SH3PXD2B: variants seen among roughly 807,000 people sequenced by gnomAD.
SH3PXD2B encodes SH3 and PX domains 2B, also known as SH3 and PX domain-containing protein 2B.
In SH3PXD2B, 37 loss-of-function variants were observed where a neutral mutation model predicts 73.1. The ratio of observed to expected loss-of-function variants is 0.51; its 90% CI spans 0.39 to 0.67. The LOEUF (loss-of-function observed/expected upper bound fraction) is 0.67, where lower values mean the gene tolerates loss of function less well. Among genes scored for constraint, SH3PXD2B ranks in the 30% least tolerant of loss-of-function variants. The pLI, the probability that SH3PXD2B is intolerant of heterozygous loss-of-function variation, is 0.00. For synonymous variants in SH3PXD2B, 457 were observed against 480.5 expected (o/e 0.95, Z 0.64); for missense variants, 1,053 against 1,197.8 (o/e 0.88, Z 1.78).
At position 172,454,212 on chromosome 5, in the gene SH3PXD2B, G is replaced by A. The variant is rs546772471; in HGVS notation, c.75+66C>T. 1.2e-5 allele frequency: 17 copies of A among 1,406,706 alleles called. No individual in the cohort carries two copies. In the African/African-American group the frequency reaches 1.9e-4, roughly 15 times the overall value. The allele number at this position is 1,406,706 out of a possible 1,614,324, so 87.1% of individuals were successfully genotyped here. On this transcript the variant is annotated intron_variant, in intron 1 of 12. Transcript: ENST00000311601. ...GCTGGAGGCAGAAGTTTTCCAAGCC[G>A]GGGGCCCTCGGTCGCCCCCGACGGG...
intron 2 of SH3PXD2B, among the ~76,000 whole-genome samples, chr5:172,411,405 AT>A (rs1017796429): frequency 4.6e-5 from 7 of 151,992 alleles, no homozygotes; most frequent in Non-Finnish European, 8.8e-5. Flanking sequence ...TCCTGACTTG[AT>A]TTTACCCAGA....
chr5:172,382,487 T>C (rs1363560659), intron 4 of SH3PXD2B, among the ~76,000 whole-genome samples: 1 of 151,248 alleles, frequency 6.6e-6, no homozygotes. Context: ...GATCCAGTAG[T>C]TCTGCGGAGG....
chr5:172,377,988 C>T (rs1328182043), intron 5 of SH3PXD2B, among the ~76,000 whole-genome samples: 1 of 152,176 alleles, frequency 6.6e-6, no homozygotes, highest in Non-Finnish European at 1.5e-5. Flanking sequence ...CTGAGAGCTC[C>T]TGTCCTGCGC....
In SH3PXD2B at chr5:172,336,657, G is replaced by A; in HGVS notation, c.*1712C>T. 2.1e-6 allele frequency: 2 copies of A among 960,884 alleles called. No individual in the cohort carries two copies. Among genetic ancestry groups the A allele is most frequent in the Non-Finnish European group, 2.4e-6 (2 of 823,604 alleles). 59.5% of individuals were successfully genotyped at this position (960,884 alleles called of 1,614,324 possible). ...TGGGTCCAAAAGTATCTCGCCTGAT[G>A]AACACTGTGAACTGGAGATCTCTGG... On this transcript the variant is annotated 3_prime_UTR_variant, in exon 13 of 13. Transcript: ENST00000311601.
At chr5:172,428,074 C>T (rs1181301369) in intron 1 of SH3PXD2B, among the ~76,000 whole-genome samples, 1 of 152,108 alleles carries the variant, frequency 6.6e-6, no homozygotes, top group Admixed American at 6.5e-5. Context: ...CCGCACCTGG[C>T]CAAAGAAAAA....
chr5:172,419,500 A>G (rs1446375207), intron 2 of SH3PXD2B, among the ~76,000 whole-genome samples: 1 of 152,158 alleles, frequency 6.6e-6, no homozygotes, highest in Non-Finnish European at 1.5e-5. Context: ...AGGGAAGGAC[A>G]CTGCAGCTCC....
chr5:172,441,816 C>T (rs1387949941), intron 1 of SH3PXD2B, among the ~76,000 whole-genome samples: 1 of 152,064 alleles, frequency 6.6e-6, no homozygotes, highest in Non-Finnish European at 1.5e-5. Context: ...TGGGGACAGC[C>T]ACCTTTTAGG....
intron 1 of SH3PXD2B, among the ~76,000 whole-genome samples, chr5:172,427,621 G>C (rs1210239083): frequency 6.6e-6 from 1 of 152,106 alleles, no homozygotes; most frequent in Non-Finnish European, 1.5e-5. Flanking sequence ...AAAGTATTGG[G>C]ATTACAGCCG....
chr5:172,422,851 G>A (rs983653049), intron 1 of SH3PXD2B, among the ~76,000 whole-genome samples: 4 of 152,218 alleles, frequency 2.6e-5, no homozygotes, highest in Non-Finnish European at 5.9e-5. Context: ...CTAAAACCTT[G>A]ACTTTCATCA....
In SH3PXD2B at chr5:172,338,607, C is replaced by T. The variant is rs750761356; in HGVS notation, c.2498G>A (p.Gly833Glu). 33 of 1,614,126 alleles carry T rather than the reference C, an allele frequency of 2.0e-5. No homozygotes were observed. In the South Asian group the frequency reaches 3.0e-4, roughly 15 times the overall value. Residue 833 changes from glycine (G) to glutamate (E), a missense_variant, in exon 13 of 13, where the codon GGA (glycine) becomes GAA (glutamate). This residue lies in a region of SH3PXD2B where 587 missense variants were observed against 590.7 expected (regional missense o/e 0.99). Transcript: ENST00000311601. This position sits in a 1 kb window ranked among gnomAD's most constrained non-coding sequence, Gnocchi z 5.1. Reference sequence around the variant, plus strand: ...TGCAGCTGCTTTCTCCCTGTTTTCTCCAATCTTGCCGGTCCCCCATGGCCC... The same window carrying T: ...TGCAGCTGCTTTCTCCCTGTTTTCTTCAATCTTGCCGGTCCCCCATGGCCC... Reference protein sequence around the residue: ...SLGPWGTGKIGENREKAAAAS... With the variant: ...SLGPWGTGKIEENREKAAAAS...
chr5:172,355,895 C>T (rs574119435), intron 8 of SH3PXD2B, among the ~76,000 whole-genome samples: 11 of 152,218 alleles, frequency 7.2e-5, no homozygotes, highest in Middle Eastern at 3.4e-3. Context: ...ATGGATTGCT[C>T]AGTGATTGCA....
chr5:172,355,248 G>GT (rs1757244738), intron 8 of SH3PXD2B, among the ~76,000 whole-genome samples: 1 of 152,226 alleles, frequency 6.6e-6, no homozygotes, highest in Non-Finnish European at 1.5e-5. Flanking sequence ...CACACAGGGC[G>GT]TTTATTTATT....
chr5:172,404,882 T>C (rs1264592463), intron 3 of SH3PXD2B, among the ~76,000 whole-genome samples: 1 of 152,202 alleles, frequency 6.6e-6, no homozygotes, highest in Non-Finnish European at 1.5e-5. Flanking sequence ...GAGCCAGCCA[T>C]ACCTGTGTCT....
chr5:172,340,119 A>C (rs1382596023), intron 12 of SH3PXD2B, among the ~76,000 whole-genome samples: 4 of 152,226 alleles, frequency 2.6e-5, no homozygotes, highest in Non-Finnish European at 4.4e-5. Context: ...GTCTTGTCGT[A>C]TGGGACTCCC....
intron 7 of SH3PXD2B, among the ~76,000 whole-genome samples, chr5:172,359,387 CAAAAA>C: frequency 1.2e-5 from 1 of 84,080 alleles, no homozygotes; most frequent in African/African-American, 4.8e-5. Context: ...ACCCCCATCT[CAAAAA>C]AAAAAAAAAA....
intron 8 of SH3PXD2B, among the ~76,000 whole-genome samples, chr5:172,355,547 T>TC (rs1491240367): frequency 2.0e-5 from 3 of 150,608 alleles, no homozygotes; most frequent in Non-Finnish European, 4.4e-5. Flanking sequence ...GATTTTCTTT[T>TC]CTTTTTTTTT....
intron 4 of SH3PXD2B, among the ~76,000 whole-genome samples, chr5:172,388,651 TTGGTGAAGCCC>T (rs1466634833): frequency 6.6e-6 from 1 of 152,060 alleles, no homozygotes; most frequent in Non-Finnish European, 1.5e-5. Context: ...AGTCCAGGAG[TTGGTGAAGCCC>T]TGGGTGCAAG....
intron 6 of SH3PXD2B, among the ~76,000 whole-genome samples, chr5:172,372,068 G>A (rs1248868388): frequency 6.6e-6 from 1 of 152,254 alleles, no homozygotes; most frequent in Non-Finnish European, 1.5e-5. Context: ...TGGGGCCTGT[G>A]AAGTTGACCA....
chr5:172,413,968 G>A (rs114208030), intron 2 of SH3PXD2B, among the ~76,000 whole-genome samples: 1,616 of 152,296 alleles, frequency 0.011, 35 homozygotes, highest in African/African-American at 0.037. Context: ...AAGGCTTCCC[G>A]GCCAGGCAAT....
Sources: allele counts gnomAD v4.1 joint callset (sites outside exome capture counted in the v4.1 genomes callset), GRCh38; gene constraint gnomAD v4.1.1; regional missense constraint gnomAD v4.1.1; non-coding constraint Gnocchi (gnomAD v3.1); transcripts MANE v1.5; gene names NCBI Gene and HGNC (gene_info 2026-07-23, HGNC 2026-07-21).